COP1: variants seen among roughly 807,000 people sequenced by gnomAD.
COP1 encodes COP1 E3 ubiquitin ligase.
A neutral mutation model predicts 101.3 loss-of-function variants in COP1; 24 were observed. The ratio of observed to expected loss-of-function variants is 0.24; its 90% CI spans 0.17 to 0.33. The LOEUF (loss-of-function observed/expected upper bound fraction) is 0.33, where lower values mean the gene tolerates loss of function less well. Among genes scored for constraint, COP1 ranks in the 10% least tolerant of loss-of-function variants. The probability of loss-of-function intolerance (pLI) is 1.00; values close to 1 mark genes in which losing one functional copy is unlikely to be tolerated. For synonymous variants in COP1, 347 were observed against 341.9 expected (o/e 1.01, Z -0.17); for missense variants, 663 against 906.2 (o/e 0.73, Z 3.45).
At chr1:175,952,159 C>A (rs944626379) in intron 18 of COP1, among the ~76,000 whole-genome samples, 2 of 152,178 alleles carry the variant, frequency 1.3e-5, no homozygotes, top group Middle Eastern at 3.2e-3. Flanking sequence ...CAGTGGCTCA[C>A]GCCTGTAATC....
At chr1:176,187,817 ATATACAT>A (rs1335491226) in intron 1 of COP1, among the ~76,000 whole-genome samples, 1 of 152,160 alleles carries the variant, frequency 6.6e-6, no homozygotes, top group African/African-American at 2.4e-5. Context: ...ATACGGGAAA[ATATACAT>A]TAGTAATAGG....
At chr1:176,026,687 G>C (rs1005416561) in intron 15 of COP1, among the ~76,000 whole-genome samples, 1 of 152,060 alleles carries the variant, frequency 6.6e-6, no homozygotes, top group Non-Finnish European at 1.5e-5. Flanking sequence ...AAAGGAAAAA[G>C]TATAGTGACA....
intron 18 of COP1, among the ~76,000 whole-genome samples, chr1:175,958,191 CA>C (rs1650910231): frequency 6.6e-6 from 1 of 151,940 alleles, no homozygotes; most frequent in African/African-American, 2.4e-5. Flanking sequence ...TCAATAATAT[CA>C]ATTTTAAAAA....
intron 19 of COP1, among the ~76,000 whole-genome samples, chr1:175,945,536 G>A (rs1480308099): frequency 6.6e-6 from 1 of 152,174 alleles, no homozygotes; most frequent in Non-Finnish European, 1.5e-5. Flanking sequence ...ATTTTAATCT[G>A]TTTTCTTCTT....
rs192281507 is a variant in COP1 at position 176,062,735 on chromosome 1, A to C, written c.1278-16411T>G. On this transcript the variant is annotated intron_variant, in intron 11 of 19. Coordinates refer to ENST00000367669, the MANE Select transcript of COP1 (RefSeq NM_022457.7). ...AATAGTAACAAACTAAAACCCAGAC[A>C]AGTTTATTCAAATAAATAAACTGTA... is the stretch of plus-strand genomic sequence containing the variant. 3.2e-3 allele frequency among the ~76,000 whole-genome samples: 475 copies of C among 149,754 alleles called. 2 individuals are homozygous for C. The highest frequency in any genetic ancestry group is 0.011 in the African/African-American group (448 of 40,768).
intron 9 of COP1, among the ~76,000 whole-genome samples, chr1:176,105,311 G>C (rs1684121625): frequency 6.6e-6 from 1 of 152,092 alleles, no homozygotes; most frequent in Admixed American, 6.5e-5. Flanking sequence ...AATACAAATA[G>C]AAGTAAATGA....
chr1:176,066,867 G>A (rs2149328259), intron 11 of COP1, among the ~76,000 whole-genome samples: 1 of 152,242 alleles, frequency 6.6e-6, no homozygotes, highest in Non-Finnish European at 1.5e-5. Flanking sequence ...TAAGTTACAT[G>A]TGATTGATCC....
intron 8 of COP1, among the ~76,000 whole-genome samples, chr1:176,121,541 G>T (rs936383750): frequency 6.6e-6 from 1 of 151,906 alleles, no homozygotes; most frequent in South Asian, 2.1e-4. Context: ...TTAGAGGTAC[G>T]ATCTCACTCT....
At chr1:176,146,735 A>T (rs867366455) in intron 6 of COP1, among the ~76,000 whole-genome samples, 1 of 152,192 alleles carries the variant, frequency 6.6e-6, no homozygotes, top group Admixed American at 6.5e-5. Flanking sequence ...AAAATTCTAG[A>T]CTCAATATAT....
chr1:176,030,379 T>C (rs1026545111), intron 14 of COP1, among the ~76,000 whole-genome samples: 1 of 152,130 alleles, frequency 6.6e-6, no homozygotes, highest in African/African-American at 2.4e-5. Flanking sequence ...TAATTCACAA[T>C]AGATAAGTAT....
intron 1 of COP1, among the ~76,000 whole-genome samples, chr1:176,193,462 A>G (rs959422684): frequency 1.4e-4 from 21 of 152,346 alleles, no homozygotes; most frequent in Middle Eastern, 3.4e-3. Context: ...AAAAACTCAT[A>G]CACAAATGTT....
intron 5 of COP1, among the ~76,000 whole-genome samples, chr1:176,155,836 G>T (rs983515769): frequency 4.0e-5 from 6 of 151,850 alleles, no homozygotes; most frequent in South Asian, 2.1e-4. Context: ...AGAAACAAAA[G>T]AATAGTGAAA....
At chr1:176,144,628 G>C (rs544547190) in intron 6 of COP1, among the ~76,000 whole-genome samples, 1 of 152,170 alleles carries the variant, frequency 6.6e-6, no homozygotes, top group South Asian at 2.1e-4. Context: ...CTTTAAAGAA[G>C]AACAGCAACT....
At chr1:176,005,717 T>A (rs377084890) in intron 15 of COP1, among the ~76,000 whole-genome samples, 3 of 146,862 alleles carry the variant, frequency 2.0e-5, no homozygotes, top group Non-Finnish European at 3.0e-5. Flanking sequence ...GTATGAGAGA[T>A]AGTTTGTTAT....
At chr1:176,136,576 A>T in intron 6 of COP1, 29 bp from the exon 7 acceptor site, 1 of 1,171,612 alleles carries the variant, frequency 8.5e-7, no homozygotes, top group South Asian at 1.8e-5. Context: ...GAGAAAGACA[A>T]AAAAAAAAAA....
chr1:176,203,049 C>T (rs1700438233), intron 1 of COP1, among the ~76,000 whole-genome samples: 1 of 152,052 alleles, frequency 6.6e-6, no homozygotes, highest in Non-Finnish European at 1.5e-5. Context: ...TAAAAGTCAA[C>T]CTTCTCGGCC....
intron 6 of COP1, among the ~76,000 whole-genome samples, chr1:176,140,094 A>G (rs2149767665): frequency 6.6e-6 from 1 of 152,314 alleles, no homozygotes; most frequent in South Asian, 2.1e-4. Context: ...AAAATTTCCA[A>G]TGTCACCTGA....
intron 9 of COP1, among the ~76,000 whole-genome samples, chr1:176,100,652 C>T (rs1020824393): frequency 6.6e-6 from 1 of 152,094 alleles, no homozygotes; most frequent in Middle Eastern, 3.2e-3. Flanking sequence ...AAACAGAATG[C>T]CCGTCACTCG....
chr1:176,128,597 G>A (rs1011668319), intron 8 of COP1, among the ~76,000 whole-genome samples: 2 of 151,898 alleles, frequency 1.3e-5, no homozygotes, highest in Admixed American at 6.6e-5. Flanking sequence ...CACCATGTAT[G>A]TTCAAAACTC....
Sources: allele counts gnomAD v4.1 joint callset (sites outside exome capture counted in the v4.1 genomes callset), GRCh38; gene constraint gnomAD v4.1.1; transcripts MANE v1.5; gene names NCBI Gene and HGNC (gene_info 2026-07-23, HGNC 2026-07-21).